DKK3: variants seen among roughly 807,000 people sequenced by gnomAD.
DKK3 encodes dickkopf-related protein 3.
DKK3 carries 22 observed loss-of-function variants against 33.2 expected under a neutral mutation model. That is an observed-to-expected ratio of 0.66 (90% CI 0.47 to 0.95). DKK3 has a LOEUF of 0.95. Ranked by LOEUF, DKK3 falls within the 40% of genes least tolerant of loss-of-function variation. The pLI is 0.00. For missense variants in DKK3, 398 were observed against 458.4 expected (o/e 0.87, Z 1.20); for synonymous variants, 194 against 188.8 (o/e 1.03, Z -0.23).
In DKK3 at chr11:11,964,339, C is replaced by T. The variant is rs1847527177; in HGVS notation, c.*125G>A. The stretch of plus-strand genomic sequence containing the variant: ...ATGCACAACACCTCATGCTGTCAAG[C>T]CAGAGGGGAAACTTACTGGGAAGAA... On this transcript the variant is annotated 3_prime_UTR_variant, in exon 7 of 7. Coordinates refer to ENST00000683431, the MANE Select transcript of DKK3 (RefSeq NM_001018057.2). 11 of 1,264,546 alleles carry T rather than the reference C, an allele frequency of 8.7e-6. No homozygotes were observed. Among genetic ancestry groups the T allele is most frequent in the Non-Finnish European group, 1.2e-5 (11 of 915,212 alleles). 78.3% of individuals were successfully genotyped at this position (1,264,546 alleles called of 1,614,324 possible).
Position 11,967,062 on chromosome 11 carries a change from G to A in DKK3, c.565C>T (p.Leu189=). 6.2e-7 allele frequency: 1 copy of A among 1,613,978 alleles called. No homozygotes were observed. Among genetic ancestry groups the A allele is most frequent in the South Asian group, 1.1e-5 (1 of 91,068 alleles). The change falls in exon 5 of 7, where the codon CTG becomes TTG. Residue 189 remains leucine, a synonymous_variant. Coordinates refer to ENST00000683431, the MANE Select transcript of DKK3 (RefSeq NM_001018057.2). ...TTGGTGCAGTGACCCCAGACACACA[G>A]CTGGTCTCCACAGCACTCACTGTCC... is the stretch of plus-strand genomic sequence containing the variant. The part of the protein sequence containing the change: ...TRDSECCGDQ[L]CVWGHCTKMA...
At chr11:11,991,688 C>T (rs1848191364) in intron 3 of DKK3, among the ~76,000 whole-genome samples, 2 of 152,152 alleles carry the variant, frequency 1.3e-5, no homozygotes, top group Admixed American at 6.5e-5. Flanking sequence ...GAGGGCTTTC[C>T]GAAGCCGTCA....
chr11:11,989,727 C>T (rs574590185), intron 3 of DKK3, among the ~76,000 whole-genome samples: 1 of 152,170 alleles, frequency 6.6e-6, no homozygotes, highest in African/African-American at 2.4e-5. Context: ...ATATTATATA[C>T]ATTTTATCAC....
rs1180927400 is a variant in DKK3 at position 11,965,802 on chromosome 11, G to A, written c.830+7C>T. 2 of 1,613,572 alleles carry A rather than the reference G, an allele frequency of 1.2e-6. No individual in the cohort carries two copies. The highest frequency in any genetic ancestry group is 1.7e-5 in the Admixed American group (1 of 60,022). On this transcript the variant is annotated splice_region_variant and intron_variant, in intron 6 of 6. Coordinates refer to ENST00000683431, the MANE Select transcript of DKK3 (RefSeq NM_001018057.2). ...GCTCCCTGAGAGTGAGGGTTAGGGG[G>A]CCTCACCTGTGGGGCTGGCAGAGGA...
intron 2 of DKK3, among the ~76,000 whole-genome samples, chr11:12,000,776 C>T (rs1848409999): frequency 6.6e-6 from 1 of 152,070 alleles, no homozygotes; most frequent in Admixed American, 6.6e-5. Flanking sequence ...ACCTTAGCCT[C>T]CCAAAGTGCT....
At chr11:12,007,396 C>A (rs1467957394) in intron 1 of DKK3, among the ~76,000 whole-genome samples, 1 of 152,156 alleles carries the variant, frequency 6.6e-6, no homozygotes, top group Non-Finnish European at 1.5e-5. Context: ...GGCCCAACAG[C>A]GCCCTCGTCT....
upstream of DKK3, chr11:12,008,979 C>G: frequency 1.0e-6 from 1 of 1,001,670 alleles, no homozygotes; most frequent in Non-Finnish European, 1.2e-6. The surrounding 1 kb of genome is among the most constrained non-coding windows in gnomAD (Gnocchi z 4.6). Context: ...CCTAGCCCCT[C>G]CTCGACCAGG....
chr11:11,965,711 A>G (rs12281675), intron 6 of DKK3, 98 bp downstream of exon 6: 1 of 1,442,894 alleles, frequency 6.9e-7, no homozygotes, highest in South Asian at 1.4e-5. Flanking sequence ...GGGAATCTAC[A>G]CCTCCCCCAG....
rs568683020 is a variant in DKK3 at position 11,977,330 on chromosome 11, C to T, written c.436-8843G>A. Reference sequence around the variant, plus strand: ...CAGACAGCTCCCACCTCCAGAGCTCCTCTGGGAGCCTTCTCTCTTTGTCGG... The same window carrying T: ...CAGACAGCTCCCACCTCCAGAGCTCTTCTGGGAGCCTTCTCTCTTTGTCGG... On this transcript the variant is annotated intron_variant, in intron 3 of 6. Coordinates refer to ENST00000683431, the MANE Select transcript of DKK3 (RefSeq NM_001018057.2). 1.0e-3 allele frequency among the ~76,000 whole-genome samples: 155 copies of T among 152,160 alleles called. 8 individuals are homozygous for T. In the South Asian group the frequency reaches 0.031, roughly 30 times the overall value.
intron 3 of DKK3, among the ~76,000 whole-genome samples, chr11:11,992,201 A>G (rs921716700): frequency 2.0e-5 from 3 of 152,212 alleles, no homozygotes; most frequent in Non-Finnish European, 2.9e-5. Flanking sequence ...CAGGTATTGT[A>G]TAATATTTTG....
At chr11:11,985,170 C>T (rs1186829136) in intron 3 of DKK3, among the ~76,000 whole-genome samples, 1 of 152,166 alleles carries the variant, frequency 6.6e-6, no homozygotes, top group Non-Finnish European at 1.5e-5. Flanking sequence ...GCCCCAGAAA[C>T]CCTGGAGCCG....
intron 3 of DKK3, among the ~76,000 whole-genome samples, chr11:11,971,028 G>T (rs905603126): frequency 6.8e-6 from 1 of 146,646 alleles, no homozygotes; most frequent in Admixed American, 6.7e-5. Flanking sequence ...TAAAATTGAA[G>T]ATTTTTTTTT....
At chr11:11,969,448 G>A (rs916039425) in intron 3 of DKK3, among the ~76,000 whole-genome samples, 11 of 152,180 alleles carry the variant, frequency 7.2e-5, no homozygotes, top group Non-Finnish European at 1.2e-4. Context: ...TATATTGCCA[G>A]CCGGGAAATG....
upstream of DKK3, chr11:12,009,312 C>A (rs1243998044): frequency 3.1e-6 from 3 of 982,928 alleles, no homozygotes; most frequent in Non-Finnish European, 3.6e-6. Flanking sequence ...GCGGCAGCGC[C>A]GGTACCCGAG....
chr11:11,969,145 G>A (rs1847670123), intron 3 of DKK3, among the ~76,000 whole-genome samples: 1 of 152,210 alleles, frequency 6.6e-6, no homozygotes, highest in Non-Finnish European at 1.5e-5. Flanking sequence ...AGGAGTGAGG[G>A]GAATCTGTCC....
At chr11:12,003,070 T>C (rs966711162) in intron 1 of DKK3, among the ~76,000 whole-genome samples, 1 of 152,252 alleles carries the variant, frequency 6.6e-6, no homozygotes, top group Non-Finnish European at 1.5e-5. Flanking sequence ...GAGCCCTAGA[T>C]GCCCGCAGCA....
At chr11:11,994,986 C>A (rs1170937530) in intron 3 of DKK3, among the ~76,000 whole-genome samples, 2 of 152,232 alleles carry the variant, frequency 1.3e-5, no homozygotes, top group Non-Finnish European at 2.9e-5. Context: ...AAAGCCACCA[C>A]CAGCACTGGA....
intron 3 of DKK3, among the ~76,000 whole-genome samples, chr11:11,990,587 C>T (rs919174882): frequency 3.3e-5 from 5 of 152,194 alleles, no homozygotes; most frequent in Non-Finnish European, 7.3e-5. Context: ...ACTGCAGATG[C>T]AGGATATGTT....
rs574670771 is a variant in DKK3, at chr11:11,965,517, G to A, written c.830+292C>T. On this transcript the variant is annotated intron_variant, in intron 6 of 6. Transcript: ENST00000683431. Reference sequence around the variant, plus strand: ...TGTCATTGTGACAGGTCTGGGGAGGGAGCCCAGGCTTTTCTCCCTCCATGT... The same window carrying A: ...TGTCATTGTGACAGGTCTGGGGAGGAAGCCCAGGCTTTTCTCCCTCCATGT... Among the ~76,000 whole-genome samples the A allele has an allele frequency of 3.7e-4, 56 of 152,192 alleles. 1 individual carries two copies. The highest frequency in any genetic ancestry group is 7.2e-4 in the Non-Finnish European group (49 of 68,006).
Sources: allele counts gnomAD v4.1 joint callset (sites outside exome capture counted in the v4.1 genomes callset), GRCh38; gene constraint gnomAD v4.1.1; non-coding constraint Gnocchi (gnomAD v3.1); transcripts MANE v1.5; gene names NCBI Gene and HGNC (gene_info 2026-07-23, HGNC 2026-07-21).